The following FRMD6 variants were observed in gnomAD, a reference collection of about 807,000 sequenced individuals.
FRMD6 encodes FERM domain-containing protein 6.
Under a neutral mutation model 73.2 loss-of-function variants are expected in FRMD6, and 37 were observed. That is an observed-to-expected ratio of 0.51 (90% CI 0.39 to 0.66). The LOEUF (loss-of-function observed/expected upper bound fraction) is 0.66. Among genes scored for constraint, FRMD6 ranks in the 30% least tolerant of loss-of-function variants. FRMD6 has a pLI of 0.00. For synonymous variants in FRMD6, 273 were observed against 282.2 expected (o/e 0.97, Z 0.33); for missense variants, 714 against 780.5 (o/e 0.91, Z 1.02).
chr14:51,654,574 T>C (rs1412894572), intron 1 of FRMD6, among the ~76,000 whole-genome samples: 1 of 151,466 alleles, frequency 6.6e-6, no homozygotes, highest in Non-Finnish European at 1.5e-5. Context: ...ATTTCTAAAG[T>C]TGTGGGTTTT....
chr14:51,676,192 CAA>C (rs1894379742), intron 1 of FRMD6, among the ~76,000 whole-genome samples: 1 of 152,126 alleles, frequency 6.6e-6, no homozygotes, highest in Non-Finnish European at 1.5e-5. Flanking sequence ...CACATTCTCT[CAA>C]AGTGCCAGTT....
chr14:51,605,867 C>T (rs959355140), intron 2 of FRMD6, among the ~76,000 whole-genome samples: 1 of 152,112 alleles, frequency 6.6e-6, no homozygotes, highest in Non-Finnish European at 1.5e-5. Flanking sequence ...AGAGCTGTAC[C>T]CCCGAGTCTC....
chr14:51,564,974 G>A (rs145364712), intron 1 of FRMD6, among the ~76,000 whole-genome samples: 1 of 152,244 alleles, frequency 6.6e-6, no homozygotes, highest in African/African-American at 2.4e-5. Flanking sequence ...AACTTGCCAC[G>A]GTCTGTTGTC....
intron 1 of FRMD6, among the ~76,000 whole-genome samples, chr14:51,557,176 G>A (rs1439444093): frequency 6.6e-6 from 1 of 151,812 alleles, no homozygotes; most frequent in African/African-American, 2.4e-5. Flanking sequence ...ATGAGCAAAT[G>A]AAGCATTATC....
intron 2 of FRMD6, among the ~76,000 whole-genome samples, chr14:51,627,045 T>C (rs1891142559): frequency 6.6e-6 from 1 of 152,240 alleles, no homozygotes; most frequent in African/African-American, 2.4e-5. Context: ...AATGATCTGA[T>C]ATTTAGTCGA....
At chr14:51,523,850 G>C (rs1417068946) in intron 1 of FRMD6, among the ~76,000 whole-genome samples, 1 of 152,170 alleles carries the variant, frequency 6.6e-6, no homozygotes, top group Non-Finnish European at 1.5e-5. Context: ...TACACGTTTG[G>C]AAGTGTGCTC....
chr14:51,417,357 A>G, the FRMD6 span, among the ~76,000 whole-genome samples: 1 of 152,098 alleles, frequency 6.6e-6, no homozygotes, highest in Non-Finnish European at 1.5e-5. Context: ...GTGGTGACAA[A>G]ATCTCTCAGC....
chr14:51,646,947 G>A (rs1892103468), upstream of FRMD6, among the ~76,000 whole-genome samples: 1 of 151,924 alleles, frequency 6.6e-6, no homozygotes, highest in Admixed American at 6.6e-5. Context: ...AGAGCAAGGG[G>A]CAGGGTCTGG....
At chr14:51,705,813 C>T (rs1896592878) in intron 6 of FRMD6, among the ~76,000 whole-genome samples, 1 of 152,108 alleles carries the variant, frequency 6.6e-6, no homozygotes, top group South Asian at 2.1e-4. Flanking sequence ...TAAATATGCA[C>T]TACTTTTGCT....
chr14:51,703,266 C>T (rs1403251324), intron 5 of FRMD6, among the ~76,000 whole-genome samples: 1 of 151,930 alleles, frequency 6.6e-6, no homozygotes, highest in Admixed American at 6.6e-5. Context: ...GGATTCAGTG[C>T]TAGAAAACTT....
intron 2 of FRMD6, chr14:51,599,836 C>T (rs1249606949): frequency 2.0e-5 from 3 of 149,806 alleles, no homozygotes; most frequent in Non-Finnish European, 4.4e-5. Context: ...CCTTTGAGAA[C>T]CTCTCACTTC....
intron 1 of FRMD6, among the ~76,000 whole-genome samples, chr14:51,531,809 A>G (rs1453127385): frequency 6.6e-6 from 1 of 152,246 alleles, no homozygotes. Flanking sequence ...CAATATTCAT[A>G]TCAGAAATAC....
intron 1 of FRMD6, among the ~76,000 whole-genome samples, chr14:51,686,843 C>G (rs1445063562): frequency 6.6e-6 from 1 of 152,126 alleles, no homozygotes; most frequent in African/African-American, 2.4e-5. Context: ...TTCCCCAGGA[C>G]TGCCCAATTT....
chr14:51,678,611 T>C (rs565977912), intron 1 of FRMD6, among the ~76,000 whole-genome samples: 65 of 152,212 alleles, frequency 4.3e-4, no homozygotes, highest in African/African-American at 1.6e-3. Context: ...GTCTAAATAG[T>C]GTATTTAACA....
chr14:51,534,224 G>A (rs181327454), intron 1 of FRMD6, among the ~76,000 whole-genome samples: 21 of 152,296 alleles, frequency 1.4e-4, no homozygotes, highest in Non-Finnish European at 2.1e-4. Flanking sequence ...ATGTTTTCTC[G>A]AACCACATGC....
intron 7 of FRMD6, 119 bp downstream of exon 7, chr14:51,708,352 T>C: frequency 1.0e-6 from 1 of 996,460 alleles, no homozygotes; most frequent in Non-Finnish European, 1.4e-6. Flanking sequence ...TTACATGCTT[T>C]TAAAAGAGTT....
At chr14:51,553,796 G>A (rs1886970362) in intron 1 of FRMD6, among the ~76,000 whole-genome samples, 2 of 152,176 alleles carry the variant, frequency 1.3e-5, no homozygotes, top group South Asian at 4.1e-4. Flanking sequence ...AGAGAAGACG[G>A]TGGAGTTTAC....
At chr14:51,606,936 G>A (rs1039245818) in intron 2 of FRMD6, among the ~76,000 whole-genome samples, 8 of 152,142 alleles carry the variant, frequency 5.3e-5, no homozygotes, top group African/African-American at 1.9e-4. Flanking sequence ...TGGCGAGCCT[G>A]GAATTGTTGT....
intron 1 of FRMD6, among the ~76,000 whole-genome samples, chr14:51,683,172 G>A (rs530418847): frequency 2.0e-5 from 3 of 152,192 alleles, no homozygotes; most frequent in Non-Finnish European, 4.4e-5. Flanking sequence ...TAGCTCATTT[G>A]CTACATCTGG....
Sources: allele counts gnomAD v4.1 joint callset (sites outside exome capture counted in the v4.1 genomes callset), GRCh38; gene constraint gnomAD v4.1.1; transcripts MANE v1.5; gene names NCBI Gene and HGNC (gene_info 2026-07-23, HGNC 2026-07-21).